The following PIBF1 variants were observed in gnomAD, a reference collection of about 807,000 sequenced individuals.
The protein encoded by PIBF1 is progesterone immunomodulatory binding factor 1.
Under a neutral mutation model 112.5 loss-of-function variants are expected in PIBF1, and 90 were observed. The observed-to-expected ratio is 0.80, with a 90% CI of 0.67 to 0.95. The LOEUF is 0.95. PIBF1 is among the 40% of genes least tolerant of loss of function. The pLI is 0.00. For missense variants in PIBF1, 915 were observed against 852.3 expected (o/e 1.07, Z -0.92); for synonymous variants, 301 against 288.6 (o/e 1.04, Z -0.44).
chr13:72,832,930 C>T (rs902503780), intron 8 of PIBF1, among the ~76,000 whole-genome samples: 4 of 152,086 alleles, frequency 2.6e-5, no homozygotes, highest in African/African-American at 7.2e-5. Context: ...TGTCTTTTCA[C>T]GTAGTCCCGT....
At chr13:72,878,919 G>T (rs1227438135) in intron 10 of PIBF1, among the ~76,000 whole-genome samples, 1 of 152,042 alleles carries the variant, frequency 6.6e-6, no homozygotes, top group Non-Finnish European at 1.5e-5. Context: ...TGAAATTAAT[G>T]CAAGCTACTC....
At chr13:72,819,139 C>T (rs2036428033) in intron 5 of PIBF1, among the ~76,000 whole-genome samples, 2 of 152,048 alleles carry the variant, frequency 1.3e-5, no homozygotes, top group Non-Finnish European at 2.9e-5. Flanking sequence ...AAATCATATG[C>T]CTCTAGAAAC....
chr13:72,945,078 T>A (rs1045766894), intron 14 of PIBF1, among the ~76,000 whole-genome samples: 2 of 152,206 alleles, frequency 1.3e-5, no homozygotes, highest in Non-Finnish European at 2.9e-5. Context: ...CCAGAGTCTG[T>A]TGTTCCCATC....
chr13:72,883,475 C>T (rs191733200), intron 10 of PIBF1, among the ~76,000 whole-genome samples: 1 of 152,268 alleles, frequency 6.6e-6, no homozygotes, highest in African/African-American at 2.4e-5. Context: ...GACAGAGTCT[C>T]TCTCTGGCTT....
At chr13:72,801,521 A>T (rs537210655) in intron 5 of PIBF1, among the ~76,000 whole-genome samples, 6 of 152,306 alleles carry the variant, frequency 3.9e-5, no homozygotes, top group Admixed American at 1.3e-4. Context: ...TGCTATTTTC[A>T]GTAGAGAGAA....
intron 5 of PIBF1, among the ~76,000 whole-genome samples, chr13:72,806,841 A>G (rs955440748): frequency 6.6e-6 from 1 of 152,130 alleles, no homozygotes; most frequent in Admixed American, 6.5e-5. Flanking sequence ...GCATGTTTTT[A>G]TAGTAGCATG....
At chr13:72,897,394 A>C (rs1319064109) in intron 11 of PIBF1, among the ~76,000 whole-genome samples, 1 of 152,210 alleles carries the variant, frequency 6.6e-6, no homozygotes, top group African/African-American at 2.4e-5. Flanking sequence ...ATACAAGTTA[A>C]AAATCAAAAA....
At chr13:72,854,489 C>A (rs959337876) in intron 10 of PIBF1, among the ~76,000 whole-genome samples, 2 of 152,166 alleles carry the variant, frequency 1.3e-5, no homozygotes, top group Non-Finnish European at 2.9e-5. Flanking sequence ...ATTTCTGTCA[C>A]AATAGATTAG....
At chr13:72,814,378 G>A (rs1054982873) in intron 5 of PIBF1, among the ~76,000 whole-genome samples, 4 of 149,830 alleles carry the variant, frequency 2.7e-5, no homozygotes, top group African/African-American at 9.8e-5. Context: ...GGAGGTTGCA[G>A]TGAGCCGAGA....
At chr13:72,974,439 A>G (rs770104922) in intron 16 of PIBF1, among the ~76,000 whole-genome samples, 1 of 152,208 alleles carries the variant, frequency 6.6e-6, no homozygotes, top group Non-Finnish European at 1.5e-5. Flanking sequence ...ACAAAATGCT[A>G]TAAAAGTGAA....
Position 72,917,074 on chromosome 13 carries a change from A to G in PIBF1, c.1640-2A>G. Reference sequence around the variant, plus strand: ...CACATTATACACTTTAATATTTTCCAGTTGAAAATGAAGATGAGGCTGAAA... The same window carrying G: ...CACATTATACACTTTAATATTTTCCGGTTGAAAATGAAGATGAGGCTGAAA... On this transcript the variant is annotated splice_acceptor_variant, in intron 12 of 17. Coordinates refer to ENST00000326291, the MANE Select transcript of PIBF1 (RefSeq NM_006346.4). LOFTEE classifies it high-confidence loss of function. 6.4e-7 allele frequency: 1 copy of G among 1,561,554 alleles called. No individual in the cohort carries two copies.
At chr13:72,886,327 A>T (rs1001857940) in intron 10 of PIBF1, among the ~76,000 whole-genome samples, 2 of 151,850 alleles carry the variant, frequency 1.3e-5, no homozygotes, top group Non-Finnish European at 2.9e-5. Flanking sequence ...AATATAATAA[A>T]TACTCTTGGT....
chr13:72,835,164 T>C, intron 8 of PIBF1, 79 bp from the exon 9 acceptor site: 4 of 933,472 alleles, frequency 4.3e-6, no homozygotes, highest in South Asian at 2.9e-5. Context: ...TGATAAAAGG[T>C]ATTAAAATCT....
chr13:72,965,638 C>T (rs2042721548), intron 15 of PIBF1, among the ~76,000 whole-genome samples: 1 of 152,188 alleles, frequency 6.6e-6, no homozygotes, highest in South Asian at 2.1e-4. Context: ...CACTTATGAG[C>T]ATAACATTCC....
intron 17 of PIBF1, among the ~76,000 whole-genome samples, chr13:73,005,919 C>CTT (rs34315714): frequency 0.48 from 63,304 of 132,612 alleles, 16,412 homozygotes; most frequent in East Asian, 0.82. Flanking sequence ...TCTGGTTTCA[C>CTT]TTTTTTTTTT....
chr13:72,965,149 G>A (rs2042706747), intron 14 of PIBF1, 125 bp from the exon 15 acceptor site: 2 of 816,082 alleles, frequency 2.5e-6, no homozygotes, highest in African/African-American at 1.7e-5. Flanking sequence ...AATTTACACA[G>A]GAAAAGCTTT....
At chr13:72,805,832 C>T (rs1289402398) in intron 5 of PIBF1, among the ~76,000 whole-genome samples, 4 of 152,206 alleles carry the variant, frequency 2.6e-5, no homozygotes, top group African/African-American at 9.6e-5. Flanking sequence ...ATAAAGCACT[C>T]TTTTATGCTT....
intron 17 of PIBF1, among the ~76,000 whole-genome samples, chr13:73,009,681 A>G (rs1288263393): frequency 1.3e-5 from 2 of 152,228 alleles, no homozygotes; most frequent in Non-Finnish European, 2.9e-5. Flanking sequence ...TAAGGAACAT[A>G]TCTTAGTCCT....
intron 16 of PIBF1, chr13:72,973,938 T>C (rs1167943410): frequency 7.0e-6 from 3 of 431,458 alleles, no homozygotes; most frequent in African/African-American, 2.1e-5. Flanking sequence ...TTTTATCTTA[T>C]TCTGCAACTA....
Sources: allele counts gnomAD v4.1 joint callset (sites outside exome capture counted in the v4.1 genomes callset), GRCh38; gene constraint gnomAD v4.1.1; transcripts MANE v1.5; gene names NCBI Gene and HGNC (gene_info 2026-07-23, HGNC 2026-07-21).